Variants in EIF4E3 observed in about 807,000 individuals in gnomAD.
EIF4E3 encodes the protein eukaryotic translation initiation factor 4E type 3.
EIF4E3 carries 26 observed loss-of-function variants against 31.7 expected under a neutral mutation model. The ratio of observed to expected loss-of-function variants is 0.82; its 90% confidence interval spans 0.60 to 1.14. EIF4E3 has a LOEUF of 1.14. EIF4E3 is among the 50% of genes most tolerant of loss of function. The probability of loss-of-function intolerance (pLI) is 0.00; values close to 1 mark genes in which losing one functional copy is unlikely to be tolerated. For missense variants in EIF4E3, 304 were observed against 270.9 expected, an observed-to-expected ratio of 1.12 and a Z score of -0.86; for synonymous variants, 128 against 107.7, an observed-to-expected ratio of 1.19 and a Z score of -1.17.
chr3:71,740,925 A>G (rs1470705314), intron 1 of EIF4E3, among the ~76,000 whole-genome samples: 1 of 152,110 alleles, frequency 6.6e-6, no homozygotes, highest in Non-Finnish European at 1.5e-5. Flanking sequence ...TCACAACGTC[A>G]GGAGATCAAG....
chr3:71,707,771 A>C (rs968970240), intron 2 of EIF4E3, among the ~76,000 whole-genome samples: 4 of 152,140 alleles, frequency 2.6e-5, no homozygotes, highest in African/African-American at 9.7e-5. Context: ...TGCAAGAATC[A>C]ACTTTGGCCC....
intron 5 of EIF4E3, among the ~76,000 whole-genome samples, chr3:71,693,069 T>C (rs1559591579): frequency 6.6e-6 from 1 of 152,164 alleles, no homozygotes; most frequent in African/African-American, 2.4e-5. Flanking sequence ...TCATTGTCAT[T>C]AGCTAAAAAG....
chr3:71,729,215 G>A (rs1432192794), upstream of EIF4E3: 1 of 152,222 alleles, frequency 6.6e-6, no homozygotes. Context: ...TGCTCCCTGG[G>A]AGTCACAGGA....
At chr3:71,717,472 G>A (rs1360749530) in intron 1 of EIF4E3, among the ~76,000 whole-genome samples, 2 of 152,292 alleles carry the variant, frequency 1.3e-5, no homozygotes, top group Middle Eastern at 3.4e-3. Context: ...GGGTTTTCAG[G>A]CAAGGGCTCT....
At chr3:71,754,149 G>A (rs548560622), upstream of EIF4E3, 3 of 1,460,246 alleles carry the variant, frequency 2.1e-6, no homozygotes, top group South Asian at 1.2e-5. This position sits in a 1 kb window ranked among gnomAD's most constrained non-coding sequence, Gnocchi z 5.8. Context: ...CGTGAGCCTA[G>A]CGGGCAACGT....
At chr3:71,729,532 CTG>C (rs1328594860), upstream of EIF4E3, among the ~76,000 whole-genome samples, 14 of 152,212 alleles carry the variant, frequency 9.2e-5, no homozygotes, top group Admixed American at 8.5e-4. Context: ...CCTACCCTCT[CTG>C]TGCCTCAGTC....
At chr3:71,717,359 G>A (rs1003844144) in intron 1 of EIF4E3, among the ~76,000 whole-genome samples, 1 of 152,172 alleles carries the variant, frequency 6.6e-6, no homozygotes, top group Non-Finnish European at 1.5e-5. Flanking sequence ...CAAGACAAAT[G>A]TAAAAATCAC....
At chr3:71,704,680 G>A (rs1219232980) in intron 2 of EIF4E3, among the ~76,000 whole-genome samples, 2 of 152,238 alleles carry the variant, frequency 1.3e-5, no homozygotes, top group African/African-American at 4.8e-5. Context: ...GGTGGGCATG[G>A]CCCAAGGTCA....
At chr3:71,707,722 C>G (rs866323110) in intron 2 of EIF4E3, among the ~76,000 whole-genome samples, 1 of 151,916 alleles carries the variant, frequency 6.6e-6, no homozygotes, top group African/African-American at 2.4e-5. Flanking sequence ...ATGCTTTGTA[C>G]GTAAAAAGAA....
chr3:71,700,189 C>G (rs1191553780), intron 2 of EIF4E3, among the ~76,000 whole-genome samples: 1 of 151,996 alleles, frequency 6.6e-6, no homozygotes, highest in Non-Finnish European at 1.5e-5. Flanking sequence ...AAAACAAAAA[C>G]AAAAACACAA....
At chr3:71,728,477 C>G (rs1036079051), upstream of EIF4E3, 2 of 152,594 alleles carry the variant, frequency 1.3e-5, no homozygotes, top group Non-Finnish European at 2.9e-5. Context: ...GTGACTTACC[C>G]GAGGCCACAG....
chr3:71,736,963 T>G (rs993521522), intron 1 of EIF4E3, among the ~76,000 whole-genome samples: 1 of 152,184 alleles, frequency 6.6e-6, no homozygotes, highest in Non-Finnish European at 1.5e-5. Flanking sequence ...AACCTGAAAC[T>G]GCTCTAAAAA....
At chr3:71,674,875 A>G (rs945519810), downstream of EIF4E3, among the ~76,000 whole-genome samples, 1 of 152,222 alleles carries the variant, frequency 6.6e-6, no homozygotes, top group Non-Finnish European at 1.5e-5. Flanking sequence ...ACTGGGGCTC[A>G]GATATGTTGA....
chr3:71,747,258 G>A (rs1157167574), intron 1 of EIF4E3, among the ~76,000 whole-genome samples: 1 of 152,076 alleles, frequency 6.6e-6, no homozygotes, highest in Non-Finnish European at 1.5e-5. Context: ...ATCATCTGAG[G>A]GTTCCAATTC....
the EIF4E3 span, among the ~76,000 whole-genome samples, chr3:71,660,150 T>TG: frequency 6.6e-6 from 1 of 151,778 alleles, no homozygotes; most frequent in African/African-American, 2.4e-5. Flanking sequence ...TAGGACTTGG[T>TG]GGGGGTGGTG....
At chr3:71,713,452 T>G (rs540841487) in intron 1 of EIF4E3, among the ~76,000 whole-genome samples, 2 of 152,322 alleles carry the variant, frequency 1.3e-5, no homozygotes, top group African/African-American at 4.8e-5. Flanking sequence ...TTTGTTTGTT[T>G]TTGGGAAAAG....
rs570955772 is a variant in EIF4E3 at position 71,739,623 on chromosome 3, G to T, written c.-290-11000C>A. 2.6e-5 allele frequency among the ~76,000 whole-genome samples: 4 copies of T among 152,156 alleles called. No individual in the cohort carries two copies. The East Asian group carries it at 7.7e-4, about 29-fold the overall frequency. ...GAGGTGGAAGGATCACCTGAGCCTGGGAGATTGAGGCTGCGGTGAGCCGTG... is the reference window on the plus strand; with the variant it reads ...GAGGTGGAAGGATCACCTGAGCCTGTGAGATTGAGGCTGCGGTGAGCCGTG... On this transcript the variant is annotated intron_variant, in intron 1 of 7. Transcript: ENST00000295612.
chr3:71,699,944 A>G (rs1290299435), intron 2 of EIF4E3, among the ~76,000 whole-genome samples: 1 of 152,156 alleles, frequency 6.6e-6, no homozygotes, highest in Non-Finnish European at 1.5e-5. Flanking sequence ...AGGCCAAGGC[A>G]AGCGGATCAC....
chr3:71,719,380 G>C (rs2049511716), intron 1 of EIF4E3, among the ~76,000 whole-genome samples: 1 of 152,120 alleles, frequency 6.6e-6, no homozygotes, highest in Admixed American at 6.5e-5. Context: ...GAGTAGGTCT[G>C]GGGCAGGGTG....
Sources: gnomAD v4.1 joint callset for allele counts (sites outside exome capture counted in the v4.1 genomes callset) on GRCh38, gnomAD v4.1.1 for gene constraint, Gnocchi (gnomAD v3.1) non-coding constraint, MANE v1.5 for transcripts, NCBI Gene and HGNC (gene_info 2026-07-23, HGNC 2026-07-21) for gene names.